Variants in UBE2G1 observed in about 807,000 individuals in gnomAD.
The protein encoded by UBE2G1 is ubiquitin-conjugating enzyme E2 G1.
A neutral mutation model predicts 22.7 loss-of-function variants in UBE2G1; 5 were observed. The ratio of observed to expected loss-of-function variants is 0.22; its 90% CI spans 0.12 to 0.46. UBE2G1 has a LOEUF of 0.46. Among genes scored for constraint, UBE2G1 ranks in the 20% least tolerant of loss-of-function variants. The probability of loss-of-function intolerance (pLI) is 0.99; values close to 1 mark genes in which losing one functional copy is unlikely to be tolerated. For missense variants in UBE2G1, 88 were observed against 203.9 expected (o/e 0.43, Z 3.46); for synonymous variants, 74 against 67.5 (o/e 1.10, Z -0.47).
Position 4,296,340 on chromosome 17 carries a change from G to T in UBE2G1, c.247+377C>A, listed in dbSNP as rs992164256. On this transcript the variant is annotated intron_variant, in intron 3 of 5. Transcript: ENST00000396981. ...TGCAGTGGTGTGATCTTGGCTCACT[G>T]CAACCTGCACCTCCCGGGTTCAAGC... 7.2e-5 allele frequency among the ~76,000 whole-genome samples: 11 copies of T among 152,114 alleles called. 1 individual carries two copies. Among genetic ancestry groups the T allele is most frequent in the Admixed American group, 6.5e-4 (10 of 15,270 alleles).
intron 1 of UBE2G1, among the ~76,000 whole-genome samples, chr17:4,308,521 T>A (rs746134381): frequency 1.3e-5 from 2 of 151,976 alleles, no homozygotes; most frequent in Admixed American, 6.6e-5. Context: ...CAAGACTCCA[T>A]CTCAAAAAGA....
At chr17:4,341,451 C>T (rs1306950204) in intron 1 of UBE2G1, among the ~76,000 whole-genome samples, 1 of 152,110 alleles carries the variant, frequency 6.6e-6, no homozygotes, top group Non-Finnish European at 1.5e-5. Flanking sequence ...TGATCTCATT[C>T]TTCCCACTCA....
chr17:4,272,789 T>TG (rs1968776201), intron 5 of UBE2G1, among the ~76,000 whole-genome samples: 1 of 152,222 alleles, frequency 6.6e-6, no homozygotes, highest in South Asian at 2.1e-4. Context: ...GGCTAGTGAC[T>TG]GGCAAGCTGA....
chr17:4,286,404 CAAA>C (rs11312770), intron 4 of UBE2G1, among the ~76,000 whole-genome samples: 18 of 117,402 alleles, frequency 1.5e-4, no homozygotes, highest in African/African-American at 1.6e-4. Context: ...GACTCTGTCT[CAAA>C]AAAAAAAAAA....
intron 5 of UBE2G1, among the ~76,000 whole-genome samples, chr17:4,280,336 C>CTTTTTTTTTTTT (rs71144178): frequency 1.5e-5 from 1 of 68,950 alleles, no homozygotes; most frequent in African/African-American, 6.6e-5. Flanking sequence ...GGCACCTGGG[C>CTTTTTTTTTTTT]TTTTTTTTTT....
At chr17:4,342,961 G>A (rs528561073) in intron 1 of UBE2G1, among the ~76,000 whole-genome samples, 1 of 152,206 alleles carries the variant, frequency 6.6e-6, no homozygotes, top group East Asian at 1.9e-4. Flanking sequence ...AGCTCTTCAA[G>A]ACATCAGTAC....
chr17:4,359,838 C>A (rs1195896939), intron 1 of UBE2G1, among the ~76,000 whole-genome samples: 1 of 123,778 alleles, frequency 8.1e-6, no homozygotes, highest in African/African-American at 3.0e-5. Context: ...GGCGACAGAA[C>A]AAGGCTCCAT....
At chr17:4,304,409 C>CA (rs1248752430) in intron 2 of UBE2G1, among the ~76,000 whole-genome samples, 1 of 152,156 alleles carries the variant, frequency 6.6e-6, no homozygotes, top group East Asian at 1.9e-4. Context: ...TGGTATACCA[C>CA]ACCAGTTTCA....
At chr17:4,282,295 C>T (rs1968903544) in intron 5 of UBE2G1, among the ~76,000 whole-genome samples, 1 of 152,074 alleles carries the variant, frequency 6.6e-6, no homozygotes, top group Admixed American at 6.5e-5. Flanking sequence ...GTTGTCCAGG[C>T]TAGTCTCAAA....
chr17:4,360,938 C>T (rs894087931), intron 1 of UBE2G1, among the ~76,000 whole-genome samples: 7 of 151,968 alleles, frequency 4.6e-5, no homozygotes, highest in Non-Finnish European at 8.8e-5. Flanking sequence ...ATGCAATAGA[C>T]GGGCTGGGCG....
chr17:4,327,154 G>T (rs914521417), intron 1 of UBE2G1, among the ~76,000 whole-genome samples: 1 of 151,690 alleles, frequency 6.6e-6, no homozygotes, highest in East Asian at 1.9e-4. Context: ...AATTAGCCAG[G>T]CATGGTGGCT....
intron 1 of UBE2G1, among the ~76,000 whole-genome samples, chr17:4,343,349 T>C (rs1733577517): frequency 6.6e-6 from 1 of 152,006 alleles, no homozygotes; most frequent in African/African-American, 2.4e-5. Flanking sequence ...CCCAGCACTT[T>C]GGGAGGCCCA....
chr17:4,347,466 C>CTTCTTT lies in UBE2G1; in HGVS notation c.46+18799_46+18804dup, dbSNP rs1969790760. Among the ~76,000 whole-genome samples, 5 of 92,526 alleles carry CTTCTTT rather than the reference C, an allele frequency of 5.4e-5. No individual in the cohort carries two copies. The South Asian group carries it at 1.6e-3, about 29-fold the overall frequency. The allele number at this position is 92,526 out of a possible 152,430, so 60.7% of individuals were successfully genotyped here. On this transcript the variant is annotated intron_variant, in intron 1 of 5. Coordinates refer to ENST00000396981, the MANE Select transcript of UBE2G1 (RefSeq NM_003342.5). ...TATTTCGGTAATTCTCACAGTATTT[C>CTTCTTT]TTCTTTTTTTTTTTTTTTTTTTTTT... is the stretch of plus-strand genomic sequence containing the variant.
At chr17:4,352,870 T>C (rs992642094) in intron 1 of UBE2G1, among the ~76,000 whole-genome samples, 5 of 150,104 alleles carry the variant, frequency 3.3e-5, no homozygotes, top group Admixed American at 1.3e-4. Flanking sequence ...AGCTCAGGAG[T>C]TCAAGATCAG....
chr17:4,345,941 T>C (rs958985981), intron 1 of UBE2G1, among the ~76,000 whole-genome samples: 4 of 152,228 alleles, frequency 2.6e-5, no homozygotes, highest in Admixed American at 6.5e-5. Flanking sequence ...TTATATTTCA[T>C]ATAATTTGGA....
intron 1 of UBE2G1, among the ~76,000 whole-genome samples, chr17:4,343,232 C>G (rs1969730691): frequency 6.6e-6 from 1 of 152,134 alleles, no homozygotes; most frequent in Non-Finnish European, 1.5e-5. Context: ...ACTTTAAATT[C>G]AAAGTACCAA....
At chr17:4,307,254 A>C in intron 1 of UBE2G1, 131 bp from the exon 2 acceptor site, 1 of 744,982 alleles carries the variant, frequency 1.3e-6, no homozygotes, top group Non-Finnish European at 2.2e-6. Flanking sequence ...TTGCCAGGCA[A>C]AATGCTACTT....
At chr17:4,296,030 T>C (rs1168982779) in intron 3 of UBE2G1, among the ~76,000 whole-genome samples, 2 of 151,084 alleles carry the variant, frequency 1.3e-5, no homozygotes, top group African/African-American at 4.9e-5. Context: ...GAGTTGTCCA[T>C]GGTATAAAAA....
At chr17:4,340,254 T>C (rs113443784) in intron 1 of UBE2G1, among the ~76,000 whole-genome samples, 22 of 152,272 alleles carry the variant, frequency 1.4e-4, no homozygotes, top group African/African-American at 4.6e-4. Flanking sequence ...TCTTTCATCC[T>C]TGCATCCTCC....
Sources: allele counts gnomAD v4.1 joint callset (sites outside exome capture counted in the v4.1 genomes callset), GRCh38; gene constraint gnomAD v4.1.1; transcripts MANE v1.5; gene names NCBI Gene and HGNC (gene_info 2026-07-23, HGNC 2026-07-21).